Variants in ERBB4 observed in about 807,000 individuals in gnomAD.
ERBB4 encodes the protein erb-b2 receptor tyrosine kinase 4, also known as receptor tyrosine-protein kinase erbB-4.
ERBB4 carries 42 observed loss-of-function variants against 158.0 expected under a neutral mutation model. The observed-to-expected ratio is 0.27, with a 90% CI of 0.21 to 0.34. The LOEUF is 0.34. Ranked by LOEUF, ERBB4 falls within the 10% of genes least tolerant of loss-of-function variation. ERBB4 has a pLI of 1.00. For synonymous variants in ERBB4, 583 were observed against 558.7 expected (o/e 1.04, Z -0.61); for missense variants, 1,333 against 1,624.1 (o/e 0.82, Z 3.08).
At chr2:212,259,625 C>G (rs1402429181) in intron 1 of ERBB4, among the ~76,000 whole-genome samples, 4 of 152,084 alleles carry the variant, frequency 2.6e-5, no homozygotes, top group Non-Finnish European at 5.9e-5. Context: ...TTCTAAAAAT[C>G]ACACAAAAAT....
At chr2:211,723,160 T>C (rs34227840) in intron 6 of ERBB4, among the ~76,000 whole-genome samples, 41,543 of 152,086 alleles carry the variant, frequency 0.27, 6,531 homozygotes, top group Middle Eastern at 0.37. Context: ...CCACTCCATT[T>C]AGTAAAAGCT....
rs1342497721 is a variant in ERBB4, at chr2:212,226,409, A to AT, written c.83-101507dup. ...CCATGGGAATTGACATAGTAAAGAC[A>AT]TGGGGGGGGGTTTGACCCATTAAAT... On this transcript the variant is annotated intron_variant, in intron 1 of 27. Transcript: ENST00000342788. Among the ~76,000 whole-genome samples, 8 of 62,418 alleles carry AT rather than the reference A, an allele frequency of 1.3e-4. No homozygotes were observed. In the East Asian group the frequency reaches 4.2e-3, roughly 32 times the overall value. 40.9% of individuals were successfully genotyped at this position (62,418 alleles called of 152,430 possible).
intron 3 of ERBB4, among the ~76,000 whole-genome samples, chr2:211,861,011 T>C (rs1435014397): frequency 3.9e-5 from 1 of 25,612 alleles, no homozygotes; most frequent in Non-Finnish European, 5.7e-5. Flanking sequence ...TATATATTTA[T>C]ATATTTATAT....
chr2:212,465,160 A>C (rs990103832), intron 1 of ERBB4, among the ~76,000 whole-genome samples: 2 of 152,278 alleles, frequency 1.3e-5, no homozygotes, highest in South Asian at 4.1e-4. Flanking sequence ...CAGCATTTAT[A>C]TAATTCTCTC....
intron 1 of ERBB4, among the ~76,000 whole-genome samples, chr2:212,457,424 A>G (rs16848596): frequency 0.053 from 8,015 of 151,988 alleles, 730 homozygotes; most frequent in African/African-American, 0.18. Flanking sequence ...ATTTTGTTAT[A>G]TATTACTTGC....
chr2:211,890,586 C>A (rs2078936548), intron 3 of ERBB4, among the ~76,000 whole-genome samples: 1 of 146,272 alleles, frequency 6.8e-6, no homozygotes, highest in East Asian at 2.1e-4. Context: ...GGACTAAATT[C>A]TCCAATTAAA....
intron 1 of ERBB4, among the ~76,000 whole-genome samples, chr2:212,129,381 T>G (rs1471888629): frequency 1.3e-5 from 2 of 151,448 alleles, no homozygotes; most frequent in Non-Finnish European, 3.0e-5. Context: ...TTTTGCATAA[T>G]TCCCATTCTA....
At chr2:211,869,237 G>A (rs1293518439) in intron 3 of ERBB4, among the ~76,000 whole-genome samples, 1 of 152,182 alleles carries the variant, frequency 6.6e-6, no homozygotes, top group Non-Finnish European at 1.5e-5. Flanking sequence ...CAGATGGCCT[G>A]CAGTGAAACA....
intron 3 of ERBB4, among the ~76,000 whole-genome samples, chr2:211,868,258 A>G (rs2078258679): frequency 1.3e-5 from 2 of 152,228 alleles, no homozygotes; most frequent in Admixed American, 1.3e-4. Flanking sequence ...GATCTAGAGA[A>G]TGGGAGGTTT....
intron 1 of ERBB4, among the ~76,000 whole-genome samples, chr2:212,240,812 A>G (rs1417539886): frequency 6.6e-6 from 1 of 152,048 alleles, no homozygotes; most frequent in Non-Finnish European, 1.5e-5. Flanking sequence ...ACCTAAGCAT[A>G]AAATACACAA....
intron 20 of ERBB4, among the ~76,000 whole-genome samples, chr2:211,555,093 C>A (rs1311997608): frequency 6.6e-6 from 1 of 152,190 alleles, no homozygotes; most frequent in Non-Finnish European, 1.5e-5. Flanking sequence ...ATGGACTGCT[C>A]TGCTTACCAA....
chr2:212,060,299 G>A (rs1053137943), intron 2 of ERBB4, among the ~76,000 whole-genome samples: 44 of 152,076 alleles, frequency 2.9e-4, no homozygotes, highest in African/African-American at 1.0e-3. Context: ...TCATTAAAAA[G>A]TCAAGAAACA....
chr2:211,631,238 T>C (rs12151786), intron 16 of ERBB4, among the ~76,000 whole-genome samples: 4,148 of 152,122 alleles, frequency 0.027, 82 homozygotes, highest in Non-Finnish European at 0.042. Context: ...AATGCAAAAA[T>C]GAGTGGTCTG....
chr2:212,152,489 ATTC>A (rs1302403789), intron 1 of ERBB4, among the ~76,000 whole-genome samples: 10 of 151,984 alleles, frequency 6.6e-5, no homozygotes, highest in Non-Finnish European at 1.2e-4. Flanking sequence ...TCCTTCTACA[ATTC>A]TTCTTTGCGA....
intron 2 of ERBB4, among the ~76,000 whole-genome samples, chr2:212,072,494 C>CA (rs1323581997): frequency 6.6e-6 from 1 of 151,932 alleles, no homozygotes; most frequent in Non-Finnish European, 1.5e-5. Flanking sequence ...ATAGAACTTT[C>CA]AAGTATAAAA....
chr2:212,466,738 C>A (rs1688855554), intron 1 of ERBB4, among the ~76,000 whole-genome samples: 1 of 152,130 alleles, frequency 6.6e-6, no homozygotes, highest in Admixed American at 6.5e-5. Context: ...TAGAGTGGGG[C>A]ACTGCAGAAA....
chr2:211,947,258 A>G (rs2080726533), intron 3 of ERBB4, among the ~76,000 whole-genome samples, 172 bp downstream of exon 3: 1 of 152,198 alleles, frequency 6.6e-6, no homozygotes, highest in African/African-American at 2.4e-5. Context: ...CAAAATCTAT[A>G]AAGAAAAGCA....
chr2:212,336,790 C>T (rs976091348), intron 1 of ERBB4, among the ~76,000 whole-genome samples: 5 of 151,804 alleles, frequency 3.3e-5, no homozygotes, highest in South Asian at 2.1e-4. Flanking sequence ...GCTTCCCAAA[C>T]GGAAACCAAG....
At chr2:212,031,392 T>C (rs1221728730) in intron 2 of ERBB4, among the ~76,000 whole-genome samples, 3 of 152,120 alleles carry the variant, frequency 2.0e-5, no homozygotes, top group Non-Finnish European at 4.4e-5. Context: ...TATTAGAAAT[T>C]AGAAAAGTGC....
Sources: allele counts gnomAD v4.1 joint callset (sites outside exome capture counted in the v4.1 genomes callset), GRCh38; gene constraint gnomAD v4.1.1; transcripts MANE v1.5; gene names NCBI Gene and HGNC (gene_info 2026-07-23, HGNC 2026-07-21).